The following ARHGEF37 variants were observed in gnomAD, a reference collection of about 807,000 sequenced individuals.
The protein encoded by ARHGEF37 is Rho guanine nucleotide exchange factor (GEF) 37.
A neutral mutation model predicts 71.1 loss-of-function variants in ARHGEF37; 55 were observed. The ratio of observed to expected loss-of-function variants is 0.77; its 90% CI spans 0.62 to 0.97. The LOEUF is 0.97. ARHGEF37 is among the 50% of genes least tolerant of loss of function. The pLI is 0.00. For synonymous variants in ARHGEF37, 327 were observed against 350.6 expected (o/e 0.93, Z 0.75); for missense variants, 765 against 836.8 (o/e 0.91, Z 1.06).
At chr5:149,619,886 A>G (rs542847575) in intron 7 of ARHGEF37, among the ~76,000 whole-genome samples, 116 of 152,276 alleles carry the variant, frequency 7.6e-4, no homozygotes, top group Non-Finnish European at 1.4e-3. Context: ...CCTGGTCAAC[A>G]TGGTGAAACC....
chr5:149,574,425 G>T (rs541643137), intron 1 of ARHGEF37, among the ~76,000 whole-genome samples: 4 of 152,308 alleles, frequency 2.6e-5, no homozygotes, highest in Non-Finnish European at 5.9e-5. Flanking sequence ...TTACTAAAAG[G>T]CTGGGTCTCC....
chr5:149,583,469 A>G (rs578101167), intron 1 of ARHGEF37, among the ~76,000 whole-genome samples: 60 of 152,130 alleles, frequency 3.9e-4, no homozygotes, highest in African/African-American at 1.3e-3. Flanking sequence ...AGGAAAGAGG[A>G]CATAAACTGG....
chr5:149,608,057 C>A (rs757587927), intron 3 of ARHGEF37, among the ~76,000 whole-genome samples: 2 of 151,976 alleles, frequency 1.3e-5, no homozygotes, highest in African/African-American at 4.8e-5. Flanking sequence ...CATGAGCCAC[C>A]GGGCCCGGCC....
At chr5:149,602,979 C>G (rs1050620608) in intron 3 of ARHGEF37, among the ~76,000 whole-genome samples, 3 of 152,136 alleles carry the variant, frequency 2.0e-5, no homozygotes, top group African/African-American at 7.2e-5. Context: ...GTCACCCAGG[C>G]TGGAGTGCGA....
intron 1 of ARHGEF37, among the ~76,000 whole-genome samples, chr5:149,553,344 G>C (rs1446361776): frequency 6.6e-6 from 1 of 152,012 alleles, no homozygotes; most frequent in Non-Finnish European, 1.5e-5. Context: ...AGGTTACAGT[G>C]AGCCGAGATC....
At chr5:149,620,568 G>T (rs757233062) in intron 8 of ARHGEF37, 104 bp downstream of exon 8, 29 of 848,076 alleles carry the variant, frequency 3.4e-5, no homozygotes, top group Non-Finnish European at 2.0e-5. Context: ...GGTGGCTCAC[G>T]CCTGTAATCC....
intron 1 of ARHGEF37, among the ~76,000 whole-genome samples, chr5:149,563,817 A>G (rs1762865473): frequency 6.6e-6 from 1 of 152,192 alleles, no homozygotes; most frequent in African/African-American, 2.4e-5. Flanking sequence ...GTGTCATAGG[A>G]AACAGATAAA....
At chr5:149,614,859 G>A (rs1008049952) in intron 4 of ARHGEF37, among the ~76,000 whole-genome samples, 5 of 152,286 alleles carry the variant, frequency 3.3e-5, no homozygotes, top group East Asian at 3.9e-4. Context: ...CCAGAGGCAC[G>A]AGTATCATCA....
intron 1 of ARHGEF37, among the ~76,000 whole-genome samples, chr5:149,582,720 T>C (rs975509761): frequency 2.0e-5 from 3 of 152,166 alleles, no homozygotes; most frequent in African/African-American, 7.2e-5. Flanking sequence ...ATTTGATCTT[T>C]ATAAATATAT....
intron 3 of ARHGEF37, among the ~76,000 whole-genome samples, chr5:149,605,728 G>A (rs1488707647): frequency 2.0e-5 from 3 of 152,056 alleles, no homozygotes; most frequent in Non-Finnish European, 2.9e-5. Context: ...TCATAACATC[G>A]TTACTTGTTG....
intron 3 of ARHGEF37, among the ~76,000 whole-genome samples, chr5:149,604,721 C>T (rs1171562305): frequency 1.7e-4 from 22 of 131,996 alleles, no homozygotes; most frequent in Non-Finnish European, 2.5e-4. Flanking sequence ...CTCTCTCTGT[C>T]GCCCAGGCTG....
At chr5:149,601,264 A>G in intron 3 of ARHGEF37, 33 bp downstream of exon 3, 3 of 1,601,160 alleles carry the variant, frequency 1.9e-6, no homozygotes, top group Non-Finnish European at 1.7e-6. Flanking sequence ...TGTCAGCCTT[A>G]GATTCTCATG....
intron 11 of ARHGEF37, among the ~76,000 whole-genome samples, chr5:149,628,434 C>T (rs563843856): frequency 1.3e-5 from 2 of 152,176 alleles, no homozygotes; most frequent in Non-Finnish European, 2.9e-5. Context: ...CAGTCTCCGC[C>T]TCCTAGGAAA....
chr5:149,568,731 G>A (rs1485214920), intron 1 of ARHGEF37, among the ~76,000 whole-genome samples: 1 of 150,400 alleles, frequency 6.6e-6, no homozygotes, highest in Non-Finnish European at 1.5e-5. Flanking sequence ...AGAATCGCTG[G>A]CACCTGGGAG....
In ARHGEF37 at chr5:149,621,945, C is replaced by T; in HGVS notation, c.1218C>T (p.Leu406=). 1 of 1,614,228 alleles carries T rather than the reference C, an allele frequency of 6.2e-7. No homozygotes were observed. Among genetic ancestry groups the T allele is most frequent in the Non-Finnish European group, 8.5e-7 (1 of 1,180,042 alleles). Residue 406 remains leucine, a synonymous_variant, in exon 9 of 13, where the codon CTC becomes CTT. Transcript: ENST00000333677. ...QALNSLLVAE[L]PQFNQLVMQW... ...TCAACTCGCTGCTAGTGGCTGAGCT[C>T]CCACAGTTTAACCAGCTGGTCATGC...
intron 2 of ARHGEF37, among the ~76,000 whole-genome samples, chr5:149,599,772 T>C (rs1763698118): frequency 1.3e-5 from 2 of 152,210 alleles, no homozygotes; most frequent in African/African-American, 4.8e-5. Flanking sequence ...GGCAAATATT[T>C]TGTTAAGTTG....
chr5:149,627,652 C>A (rs976089702), intron 11 of ARHGEF37, among the ~76,000 whole-genome samples: 2 of 152,168 alleles, frequency 1.3e-5, no homozygotes, highest in African/African-American at 4.8e-5. Context: ...ATGCCTGGAC[C>A]CTGGCTACAC....
intron 3 of ARHGEF37, 150 bp from the exon 4 acceptor site, chr5:149,609,398 G>A: frequency 2.5e-6 from 2 of 787,940 alleles, no homozygotes; most frequent in Non-Finnish European, 4.1e-6. Context: ...AGAAAGTCAG[G>A]AAGATGAGGT....
chr5:149,553,406 AAATT>A (rs1399191534), intron 1 of ARHGEF37, among the ~76,000 whole-genome samples: 6 of 152,168 alleles, frequency 3.9e-5, no homozygotes, highest in African/African-American at 7.2e-5. Context: ...TCCATCTAAA[AAATT>A]AATTAATTAA....
Sources: gnomAD v4.1 joint callset for allele counts (sites outside exome capture counted in the v4.1 genomes callset) on GRCh38, gnomAD v4.1.1 for gene constraint, MANE v1.5 for transcripts, NCBI Gene and HGNC (gene_info 2026-07-23, HGNC 2026-07-21) for gene names.